ATF7IP2: variants seen among roughly 807,000 people sequenced by gnomAD.
The protein encoded by ATF7IP2 is activating transcription factor 7-interacting protein 2.
A neutral mutation model predicts 64.2 loss-of-function variants in ATF7IP2; 42 were observed. The ratio of observed to expected loss-of-function variants is 0.65; its 90% CI spans 0.51 to 0.85. The LOEUF is 0.85. ATF7IP2 is among the 40% of genes least tolerant of loss of function. ATF7IP2 has a pLI of 0.00. For synonymous variants in ATF7IP2, 308 were observed against 272.8 expected, an observed-to-expected ratio of 1.13 and a Z score of -1.27; for missense variants, 933 against 784.2, an observed-to-expected ratio of 1.19 and a Z score of -2.27.
chr16:10,393,632 A>G (rs1036967039), intron 1 of ATF7IP2, among the ~76,000 whole-genome samples: 1 of 152,156 alleles, frequency 6.6e-6, no homozygotes, highest in Non-Finnish European at 1.5e-5. Flanking sequence ...AGGTTTTGCT[A>G]TGATGCTCGG....
At chr16:10,392,149 G>A (rs2047339733) in intron 1 of ATF7IP2, among the ~76,000 whole-genome samples, 1 of 149,354 alleles carries the variant, frequency 6.7e-6, no homozygotes, top group Admixed American at 6.7e-5. Context: ...CACCCCCCAG[G>A]TTCAAGTGAT....
chr16:10,404,383 G>A (rs1013769414), intron 1 of ATF7IP2, among the ~76,000 whole-genome samples: 1 of 152,148 alleles, frequency 6.6e-6, no homozygotes, highest in African/African-American at 2.4e-5. Flanking sequence ...CTCCCGAGTA[G>A]CTGGGATTAC....
chr16:10,407,917 CTTT>C (rs35727703), intron 1 of ATF7IP2, among the ~76,000 whole-genome samples: 1 of 144,566 alleles, frequency 6.9e-6, no homozygotes. Context: ...TTCTTTCTTT[CTTT>C]TTTTTTTTTT....
At chr16:10,467,130 C>T (rs1403559542) in intron 9 of ATF7IP2, among the ~76,000 whole-genome samples, 1 of 152,094 alleles carries the variant, frequency 6.6e-6, no homozygotes, top group East Asian at 1.9e-4. Flanking sequence ...TGGTAAGGCT[C>T]CTTCTACCTC....
chr16:10,455,528 A>G (rs1023065750), intron 8 of ATF7IP2, among the ~76,000 whole-genome samples: 4 of 152,254 alleles, frequency 2.6e-5, no homozygotes, highest in Non-Finnish European at 5.9e-5. Flanking sequence ...GGAAATTCAC[A>G]AAGAATTTGG....
chr16:10,431,448 T>C lies in ATF7IP2; in HGVS notation c.828T>C (p.Asn276=), dbSNP rs748173562. 7 of 1,587,286 alleles carry C rather than the reference T, an allele frequency of 4.4e-6. No homozygotes were observed. In the East Asian group the frequency reaches 1.1e-4, roughly 25 times the overall value. Residue 276 remains asparagine (N), a synonymous_variant, in exon 5 of 14, where the codon AAT becomes AAC. Coordinates refer to ENST00000562102, the MANE Select transcript of ATF7IP2 (RefSeq NM_001393719.1). ...DSTWQSSLDT[N]NNSHYQKKRM... Reference sequence around the variant, plus strand: ...CATGGCAGTCATCACTTGACACTAATAACAACAGTAAGTATATACTTATGC... The same window carrying C: ...CATGGCAGTCATCACTTGACACTAACAACAACAGTAAGTATATACTTATGC...
At chr16:10,404,908 G>C (rs1361199949) in intron 1 of ATF7IP2, among the ~76,000 whole-genome samples, 1 of 151,306 alleles carries the variant, frequency 6.6e-6, no homozygotes, top group East Asian at 1.9e-4. Context: ...AGTGCTGAAA[G>C]AAAAAAAACC....
intron 8 of ATF7IP2, chr16:10,445,650 A>G (rs2048776259): frequency 6.6e-6 from 1 of 152,306 alleles, no homozygotes; most frequent in Non-Finnish European, 1.5e-5. Flanking sequence ...AATTACAGGC[A>G]TGTGCCGCCA....
At chr16:10,413,123 C>T (rs1037507425) in intron 1 of ATF7IP2, among the ~76,000 whole-genome samples, 6 of 152,038 alleles carry the variant, frequency 3.9e-5, no homozygotes, top group African/African-American at 1.4e-4. Context: ...TCTGCAAATT[C>T]ATGTCTTTTA....
chr16:10,445,047 A>AT (rs1239873080), intron 8 of ATF7IP2, among the ~76,000 whole-genome samples: 1 of 152,074 alleles, frequency 6.6e-6, no homozygotes, highest in Admixed American at 6.6e-5. Flanking sequence ...GCAAGTGGTG[A>AT]TTTTTTTAGA....
intron 1 of ATF7IP2, among the ~76,000 whole-genome samples, chr16:10,407,781 C>T (rs1052827016): frequency 7.2e-5 from 11 of 152,022 alleles, no homozygotes; most frequent in Non-Finnish European, 4.4e-5. Flanking sequence ...GTCTTTTATC[C>T]CTCATCACCC....
In ATF7IP2 at chr16:10,476,612, T is replaced by G. The variant is rs147035524; in HGVS notation, c.1549+2623T>G. On this transcript the variant is annotated intron_variant, in intron 12 of 13. Transcript: ENST00000562102. ...ACCTATCAACCCATCACCTAAGTAT[T>G]AAGCCTGGCATGCATTAACTATTTT... 3.7e-3 allele frequency among the ~76,000 whole-genome samples: 562 copies of G among 152,292 alleles called. 3 individuals are homozygous for G. Among genetic ancestry groups the G allele is most frequent in the Non-Finnish European group, 6.7e-3 (457 of 68,018 alleles).
chr16:10,388,642 GGTTT>G (rs1329361371), intron 1 of ATF7IP2, among the ~76,000 whole-genome samples: 1 of 152,104 alleles, frequency 6.6e-6, no homozygotes, highest in Non-Finnish European at 1.5e-5. Flanking sequence ...GCTTTCCAGA[GGTTT>G]GTTTTTTAAG....
chr16:10,393,866 C>G (rs921623317), intron 1 of ATF7IP2, among the ~76,000 whole-genome samples: 2 of 152,098 alleles, frequency 1.3e-5, no homozygotes, highest in Non-Finnish European at 2.9e-5. Context: ...CATAGTAAGA[C>G]CTTGTCTCTA....
chr16:10,408,544 G>A (rs2047688542), intron 1 of ATF7IP2, among the ~76,000 whole-genome samples: 1 of 152,142 alleles, frequency 6.6e-6, no homozygotes, highest in African/African-American at 2.4e-5. Context: ...CAGGAGTAAG[G>A]TGGTATTGCA....
At chr16:10,403,344 A>C (rs895604762) in intron 1 of ATF7IP2, among the ~76,000 whole-genome samples, 2 of 152,214 alleles carry the variant, frequency 1.3e-5, no homozygotes, top group Non-Finnish European at 2.9e-5. Flanking sequence ...GCACACTACT[A>C]CTACGACTGG....
At chr16:10,459,019 C>G (rs1265656898) in intron 9 of ATF7IP2, among the ~76,000 whole-genome samples, 2 of 114,366 alleles carry the variant, frequency 1.7e-5, no homozygotes, top group African/African-American at 6.2e-5. Flanking sequence ...AACTCCATCT[C>G]TACTAAAAAA....
intron 6 of ATF7IP2, among the ~76,000 whole-genome samples, chr16:10,434,523 C>A (rs1209229158): frequency 6.6e-6 from 1 of 152,136 alleles, no homozygotes; most frequent in Non-Finnish European, 1.5e-5. Context: ...GTGTATTCTT[C>A]ACCTAATAAT....
intron 3 of ATF7IP2, among the ~76,000 whole-genome samples, chr16:10,424,001 C>A (rs1374193635): frequency 6.6e-6 from 1 of 152,168 alleles, no homozygotes; most frequent in Non-Finnish European, 1.5e-5. Context: ...AAGAGTTTTA[C>A]CCACATATTT....
Sources: allele counts gnomAD v4.1 joint callset (sites outside exome capture counted in the v4.1 genomes callset), GRCh38; gene constraint gnomAD v4.1.1; transcripts MANE v1.5; gene names NCBI Gene and HGNC (gene_info 2026-07-23, HGNC 2026-07-21).